PCDHGA3: variants seen among roughly 807,000 people sequenced by gnomAD.
The protein encoded by PCDHGA3 is protocadherin gamma subfamily A, 3.
PCDHGA3 carries 40 observed loss-of-function variants against 58.5 expected under a neutral mutation model. The observed-to-expected ratio is 0.68, with a 90% CI of 0.53 to 0.89. The LOEUF is 0.89. Among genes scored for constraint, PCDHGA3 ranks in the 40% least tolerant of loss-of-function variants. The pLI, the probability that PCDHGA3 is intolerant of heterozygous loss-of-function variation, is 0.00. For missense variants in PCDHGA3, 1,223 were observed against 1,195.9 expected, an observed-to-expected ratio of 1.02 and a Z score of -0.33; for synonymous variants, 530 against 525.7, an observed-to-expected ratio of 1.01 and a Z score of -0.11.
intron 1 of PCDHGA3, chr5:141,387,892 G>C (rs2091136247): frequency 6.5e-7 from 1 of 1,550,258 alleles, no homozygotes; most frequent in African/African-American, 1.4e-5. Context: ...GGGATGGGGA[G>C]CGGCGCCGGG....
chr5:141,490,497 C>T lies in PCDHGA3; in HGVS notation c.2425-4310C>T. 8 of 1,614,196 alleles carry T rather than the reference C, an allele frequency of 5.0e-6. No individual in the cohort carries two copies. Among genetic ancestry groups the T allele is most frequent in the Non-Finnish European group, 6.8e-6 (8 of 1,180,038 alleles). ...CTTTGGACCGGGAGGCCACATCCCACTATATCATCGAGCTGCTGGCCAGCG... is the reference window on the plus strand; with the variant it reads ...CTTTGGACCGGGAGGCCACATCCCATTATATCATCGAGCTGCTGGCCAGCG... On this transcript the variant is annotated intron_variant, in intron 1 of 3. Transcript: ENST00000253812. The surrounding 1 kb of genome is among the most constrained non-coding windows in gnomAD (Gnocchi z 5.4).
intron 1 of PCDHGA3, among the ~76,000 whole-genome samples, chr5:141,382,280 A>G (rs1218087661): frequency 6.6e-6 from 1 of 152,232 alleles, no homozygotes; most frequent in African/African-American, 2.4e-5. Context: ...TATGTGTTCA[A>G]TTAATACTGA....
At chr5:141,389,288 T>C (rs1434265418) in intron 1 of PCDHGA3, 1 of 1,613,906 alleles carries the variant, frequency 6.2e-7, no homozygotes, top group Admixed American at 1.7e-5. Flanking sequence ...CTGGAGCCTC[T>C]ATTTCACAAG....
intron 1 of PCDHGA3, chr5:141,349,974 C>G (rs1458782132): frequency 3.5e-6 from 1 of 288,098 alleles, no homozygotes; most frequent in South Asian, 1.5e-4. Flanking sequence ...TACATAGATT[C>G]AAGAGGTTGC....
At chr5:141,495,213 C>T (rs568314100) in intron 2 of PCDHGA3, among the ~76,000 whole-genome samples, 1 of 152,326 alleles carries the variant, frequency 6.6e-6, no homozygotes, top group South Asian at 2.1e-4. Flanking sequence ...AACCCCCTCC[C>T]CTGAGTTGAG....
At chr5:141,459,984 A>G (rs906041823) in intron 1 of PCDHGA3, among the ~76,000 whole-genome samples, 4 of 152,216 alleles carry the variant, frequency 2.6e-5, no homozygotes, top group Non-Finnish European at 5.9e-5. Flanking sequence ...AGGCTGAGAC[A>G]GGAGAATCGC....
chr5:141,426,960 A>G, intron 1 of PCDHGA3: 1 of 456,776 alleles, frequency 2.2e-6, no homozygotes, highest in South Asian at 1.5e-5. Context: ...CACTGCTGCA[A>G]TTCAAATTGA....
At chr5:141,364,826 T>C in intron 1 of PCDHGA3, 1 of 1,613,980 alleles carries the variant, frequency 6.2e-7, no homozygotes, top group Non-Finnish European at 8.5e-7. Flanking sequence ...GGGTGTGAAC[T>C]CTCTCCGGAG....
intron 1 of PCDHGA3, chr5:141,405,415 G>GT (rs757320616): frequency 1.9e-6 from 3 of 1,559,568 alleles, no homozygotes; most frequent in South Asian, 2.3e-5. Context: ...TTCTTTTTTT[G>GT]TTTTTTGTTT....
At chr5:141,346,569 T>C (rs1232384051) in intron 1 of PCDHGA3, 112 bp downstream of exon 1, 14 of 1,420,892 alleles carry the variant, frequency 9.9e-6, no homozygotes, top group Non-Finnish European at 1.2e-5. Flanking sequence ...TCATTAGTCC[T>C]TTGACTAAAT....
At chr5:141,392,775 A>G in intron 1 of PCDHGA3, 1 of 1,524,280 alleles carries the variant, frequency 6.6e-7, no homozygotes, top group Non-Finnish European at 8.8e-7. Context: ...CCATTTATGC[A>G]CAGTGAAGAT....
chr5:141,446,821 T>C lies in PCDHGA3; in HGVS notation c.2425-47986T>C, dbSNP rs183143971. ...CATTGTGATCATCTAGTCAGATGGG[T>C]AGATCCTTATAAGGCTGAGCATAAT... On this transcript the variant is annotated intron_variant, in intron 1 of 3. Coordinates refer to ENST00000253812, the MANE Select transcript of PCDHGA3 (RefSeq NM_018916.4). 1.6e-3 allele frequency among the ~76,000 whole-genome samples: 244 copies of C among 152,302 alleles called. 2 individuals carry two copies. The highest frequency in any genetic ancestry group is 5.4e-3 in the African/African-American group (223 of 41,572).
intron 1 of PCDHGA3, chr5:141,376,159 C>G: frequency 6.2e-7 from 1 of 1,614,084 alleles, no homozygotes; most frequent in Non-Finnish European, 8.5e-7. Context: ...TCACTCTGTA[C>G]CTGGTGGTGG....
chr5:141,455,632 TG>T (rs1394377963), intron 1 of PCDHGA3, among the ~76,000 whole-genome samples: 1 of 151,924 alleles, frequency 6.6e-6, no homozygotes, highest in African/African-American at 2.4e-5. Flanking sequence ...TGGAGATATG[TG>T]GGGGGCAGCC....
chr5:141,381,693 G>A (rs1777359039), intron 1 of PCDHGA3, among the ~76,000 whole-genome samples: 1 of 152,096 alleles, frequency 6.6e-6, no homozygotes, highest in African/African-American at 2.4e-5. Context: ...GACAAACAAC[G>A]ATTTCTTTCT....
At position 141,432,651 on chromosome 5, in the gene PCDHGA3, C is replaced by A; in HGVS notation, c.2425-62156C>A. 2.5e-6 allele frequency: 4 copies of A among 1,613,824 alleles called. No individual in the cohort carries two copies. The highest frequency in any genetic ancestry group is 1.1e-5 in the South Asian group (1 of 91,058). ...ACGGGCGAGGTGCGCACGGCGCGAG[C>A]CCTGCTGGACAGAGACGCGCTCAAG... On this transcript the variant is annotated intron_variant, in intron 1 of 3. Coordinates refer to ENST00000253812, the MANE Select transcript of PCDHGA3 (RefSeq NM_018916.4). This position sits in a 1 kb window ranked among gnomAD's most constrained non-coding sequence, Gnocchi z 6.0.
chr5:141,409,938 C>T (rs754052398), intron 1 of PCDHGA3: 114 of 1,613,200 alleles, frequency 7.1e-5, no homozygotes, highest in Admixed American at 4.3e-4. Flanking sequence ...GATATGGTAC[C>T]TCGCTCTGCA....
At chr5:141,495,123 T>C (rs2099759225) in intron 2 of PCDHGA3, among the ~76,000 whole-genome samples, 1 of 152,162 alleles carries the variant, frequency 6.6e-6, no homozygotes, top group African/African-American at 2.4e-5. Flanking sequence ...TCCTATCCCC[T>C]GAGGGCACTG....
At position 141,490,591 on chromosome 5, in the gene PCDHGA3, G is replaced by A; in HGVS notation, c.2425-4216G>A. 1 of 1,614,100 alleles carries A rather than the reference G, an allele frequency of 6.2e-7. No homozygotes were observed. Among genetic ancestry groups the A allele is most frequent in the African/African-American group, 1.3e-5 (1 of 75,016 alleles). ...CAACATTTCAGATGTCAATGACAAT[G>A]CACCCCGCTTCAACCAGCAGCTTTA... On this transcript the variant is annotated intron_variant, in intron 1 of 3. Coordinates refer to ENST00000253812, the MANE Select transcript of PCDHGA3 (RefSeq NM_018916.4). This position sits in a 1 kb window ranked among gnomAD's most constrained non-coding sequence, Gnocchi z 5.4.
Sources: allele counts gnomAD v4.1 joint callset (sites outside exome capture counted in the v4.1 genomes callset), GRCh38; gene constraint gnomAD v4.1.1; non-coding constraint Gnocchi (gnomAD v3.1); transcripts MANE v1.5; gene names NCBI Gene and HGNC (gene_info 2026-07-23, HGNC 2026-07-21).